Variants in XRCC4 observed in about 807,000 individuals in gnomAD.
XRCC4 encodes X-ray repair cross complementing 4, also known as DNA repair protein XRCC4.
XRCC4 carries 28 observed loss-of-function variants against 39.1 expected under a neutral mutation model. That is an observed-to-expected ratio of 0.72 (90% CI 0.53 to 0.98). XRCC4 has a LOEUF of 0.98. Ranked by LOEUF, XRCC4 falls within the 50% of genes least tolerant of loss-of-function variation. The probability of loss-of-function intolerance (pLI) is 0.00; values close to 1 mark genes in which losing one functional copy is unlikely to be tolerated. For missense variants in XRCC4, 350 were observed against 376.4 expected (o/e 0.93, Z 0.58); for synonymous variants, 123 against 126.4 (o/e 0.97, Z 0.18).
At chr5:83,292,680 A>C (rs1405031965) in intron 7 of XRCC4, among the ~76,000 whole-genome samples, 1 of 151,968 alleles carries the variant, frequency 6.6e-6, no homozygotes, top group Non-Finnish European at 1.5e-5. Flanking sequence ...TCACTGTTAC[A>C]GGCTAGTTAA....
intron 7 of XRCC4, among the ~76,000 whole-genome samples, chr5:83,344,593 A>G (rs1031878493): frequency 1.3e-5 from 2 of 152,046 alleles, no homozygotes; most frequent in South Asian, 2.1e-4. Flanking sequence ...AGATTCATGT[A>G]TGTGTATAAC....
chr5:83,105,123 T>C lies in XRCC4; in HGVS notation c.139+65T>C, dbSNP rs1486117655. 9 of 1,463,986 alleles carry C rather than the reference T, an allele frequency of 6.1e-6. No homozygotes were observed. In the South Asian group the frequency reaches 1.2e-4, roughly 20 times the overall value. 90.7% of individuals were successfully genotyped at this position (1,463,986 alleles called of 1,614,324 possible). A position where few individuals can be genotyped will look rare whatever the true frequency, so the allele number is the denominator to read the frequency against. ...TGTGCTATTCTTCAGTCCTCAGGGA[T>C]ACTTTTCCATTAGATATTGGGTAAA... On this transcript the variant is annotated intron_variant, in intron 2 of 7. Transcript: ENST00000396027.
chr5:83,322,866 T>G (rs1228427064), intron 7 of XRCC4, among the ~76,000 whole-genome samples: 1 of 152,188 alleles, frequency 6.6e-6, no homozygotes, highest in Non-Finnish European at 1.5e-5. Flanking sequence ...ATTTCAGACT[T>G]CTGGACTCCA....
At chr5:83,282,841 C>CAAAAAAAAAAAAAAAA (rs1754595361) in intron 7 of XRCC4, among the ~76,000 whole-genome samples, 1 of 151,650 alleles carries the variant, frequency 6.6e-6, no homozygotes, top group East Asian at 1.9e-4. Flanking sequence ...GACTCCATCT[C>CAAAAAAAAAAAAAAAA]AAAAAATAAA....
intron 3 of XRCC4, among the ~76,000 whole-genome samples, chr5:83,174,908 T>C (rs1749884072): frequency 6.6e-6 from 1 of 152,148 alleles, no homozygotes; most frequent in South Asian, 2.1e-4. Context: ...TTTATGAAAA[T>C]CAATATATTA....
At chr5:83,116,054 A>G (rs1389642157) in intron 3 of XRCC4, among the ~76,000 whole-genome samples, 1 of 152,202 alleles carries the variant, frequency 6.6e-6, no homozygotes, top group Non-Finnish European at 1.5e-5. Flanking sequence ...GACTGATTTC[A>G]GAGTGACAAT....
intron 6 of XRCC4, among the ~76,000 whole-genome samples, chr5:83,216,028 G>T (rs944861824): frequency 6.6e-6 from 1 of 152,080 alleles, no homozygotes; most frequent in Admixed American, 6.6e-5. Flanking sequence ...GAAAACACAT[G>T]CCATGAATTG....
intron 7 of XRCC4, among the ~76,000 whole-genome samples, chr5:83,345,592 A>G (rs1756895359): frequency 6.6e-6 from 1 of 152,160 alleles, no homozygotes; most frequent in African/African-American, 2.4e-5. Context: ...CTCTGTTTGC[A>G]CAGGTTGACA....
At chr5:83,337,432 G>A (rs907170487) in intron 7 of XRCC4, among the ~76,000 whole-genome samples, 2 of 152,118 alleles carry the variant, frequency 1.3e-5, no homozygotes, top group Non-Finnish European at 2.9e-5. Flanking sequence ...ATCAGAAAGG[G>A]CAACTTTGTG....
the XRCC4 span, among the ~76,000 whole-genome samples, chr5:83,364,532 G>A: frequency 6.6e-6 from 1 of 152,094 alleles, no homozygotes; most frequent in Admixed American, 6.5e-5. Flanking sequence ...GAGAGCACTT[G>A]CAACCAGGCC....
At chr5:83,337,187 C>G (rs754789788) in intron 7 of XRCC4, among the ~76,000 whole-genome samples, 5 of 152,110 alleles carry the variant, frequency 3.3e-5, no homozygotes, top group Non-Finnish European at 7.4e-5. Flanking sequence ...ATTTATTCAA[C>G]AGAACCTCAG....
chr5:83,187,040 T>C (rs1303127348), intron 3 of XRCC4, among the ~76,000 whole-genome samples: 1 of 106,828 alleles, frequency 9.4e-6, no homozygotes, highest in Non-Finnish European at 2.0e-5. Context: ...GCCTCCCGGG[T>C]TCACGCCATT....
At chr5:83,175,566 G>C (rs1172263915) in intron 3 of XRCC4, among the ~76,000 whole-genome samples, 2 of 152,126 alleles carry the variant, frequency 1.3e-5, no homozygotes, top group Non-Finnish European at 2.9e-5. Context: ...AGCACTTTGG[G>C]AGGCCAAGGT....
At chr5:83,340,839 A>G (rs192592272) in intron 7 of XRCC4, among the ~76,000 whole-genome samples, 124 of 152,294 alleles carry the variant, frequency 8.1e-4, no homozygotes, top group Middle Eastern at 3.4e-3. Context: ...GCTATGGTGA[A>G]ACTATCCCCC....
At chr5:83,331,295 C>A (rs1045703278) in intron 7 of XRCC4, among the ~76,000 whole-genome samples, 6 of 152,086 alleles carry the variant, frequency 3.9e-5, no homozygotes, top group African/African-American at 9.7e-5. Context: ...ACTTTATAAA[C>A]ACAGACTAGT....
intron 7 of XRCC4, among the ~76,000 whole-genome samples, chr5:83,285,771 G>A (rs968257287): frequency 5.9e-5 from 9 of 152,074 alleles, no homozygotes; most frequent in African/African-American, 1.2e-4. Flanking sequence ...TGAAAACCAC[G>A]TGTAATTCTG....
At chr5:83,302,910 T>G (rs1341291567) in intron 7 of XRCC4, among the ~76,000 whole-genome samples, 1 of 152,106 alleles carries the variant, frequency 6.6e-6, no homozygotes, top group African/African-American at 2.4e-5. Flanking sequence ...TCACAAATAA[T>G]AAATAGTACA....
chr5:83,349,791 G>C lies in XRCC4; in HGVS notation c.894-3340G>C, dbSNP rs887271819. 1.4e-4 allele frequency among the ~76,000 whole-genome samples: 22 copies of C among 152,144 alleles called. No homozygotes were observed. In the South Asian group the frequency reaches 1.9e-3, roughly 13 times the overall value. ...TTTCAGCTTTTATTTTAGATACAGG[G>C]GGTACATGTGCGGGTTTGTTACAGG... On this transcript the variant is annotated intron_variant, in intron 7 of 7. Coordinates refer to ENST00000396027, the MANE Select transcript of XRCC4 (RefSeq NM_003401.5).
rs763029975 is a variant in XRCC4 at position 83,095,451 on chromosome 5, G to C, written c.-10-9459G>C. Among the ~76,000 whole-genome samples the C allele has an allele frequency of 2.9e-4, 44 of 152,336 alleles. No homozygotes were observed. In the South Asian group the frequency reaches 7.2e-3, roughly 25 times the overall value. On this transcript the variant is annotated intron_variant, in intron 1 of 7. Transcript: ENST00000396027. ...AAATGATCAGTGGGGTAGGAAAGTA[G>C]GCTTTGAGGCTAGGGACCACTCTGG... is the stretch of plus-strand genomic sequence containing the variant.
Sources: gnomAD v4.1 joint callset for allele counts (sites outside exome capture counted in the v4.1 genomes callset) on GRCh38, gnomAD v4.1.1 for gene constraint, MANE v1.5 for transcripts, NCBI Gene and HGNC (gene_info 2026-07-23, HGNC 2026-07-21) for gene names.